The following WARS1 variants were observed in gnomAD, a reference collection of about 807,000 sequenced individuals.
WARS1 encodes the protein tryptophanyl-tRNA synthetase 1, also known as tryptophan--tRNA ligase, cytoplasmic.
A neutral mutation model predicts 47.8 loss-of-function variants in WARS1; 17 were observed. The ratio of observed to expected loss-of-function variants is 0.36; its 90% CI spans 0.24 to 0.53. The LOEUF is 0.53. WARS1 is among the 20% of genes least tolerant of loss of function. WARS1 has a pLI of 0.91. For missense variants in WARS1, 434 were observed against 608.0 expected, an observed-to-expected ratio of 0.71 and a Z score of 3.01; for synonymous variants, 208 against 228.1, an observed-to-expected ratio of 0.91 and a Z score of 0.79.
chr14:100,339,539 C>T (rs1460363368), intron 9 of WARS1, among the ~76,000 whole-genome samples: 13 of 124,858 alleles, frequency 1.0e-4, no homozygotes, highest in Non-Finnish European at 1.6e-4. Flanking sequence ...TGCAGTGAGC[C>T]GAGATTGTGC....
chr14:100,362,008 A>G lies in WARS1; in HGVS notation c.100-87T>C. 4 of 1,393,540 alleles carry G rather than the reference A, an allele frequency of 2.9e-6. No homozygotes were observed. In the South Asian group the frequency reaches 5.0e-5, roughly 17 times the overall value. The allele number at this position is 1,393,540 out of a possible 1,614,324, so 86.3% of individuals were successfully genotyped here. On this transcript the variant is annotated intron_variant, in intron 2 of 10. Coordinates refer to ENST00000392882, the MANE Select transcript of WARS1 (RefSeq NM_004184.4). ...CCTATTCTGTGGCAGGCACTGTGTT[A>G]AATGCTTTTACACGTGTTACCTTAG... is the stretch of plus-strand genomic sequence containing the variant.
At chr14:100,340,756 G>A (rs552164227) in intron 9 of WARS1, among the ~76,000 whole-genome samples, 80 of 152,218 alleles carry the variant, frequency 5.3e-4, no homozygotes, top group Non-Finnish European at 8.4e-4. Context: ...GGGCCTGGGC[G>A]GGCCCTGTTC....
Position 100,363,551 on chromosome 14 carries a change from G to T in WARS1, c.100-1630C>A, listed in dbSNP as rs373809245. 3.7e-4 allele frequency among the ~76,000 whole-genome samples: 57 copies of T among 152,178 alleles called. No homozygotes were observed. The South Asian group carries it at 0.01, about 28-fold the overall frequency. On this transcript the variant is annotated intron_variant, in intron 2 of 10. Transcript: ENST00000392882. Reference sequence around the variant, plus strand: ...TCTCTACCAAAAATAGAAAAAATTAGCCAGGTGTGGTGGCACACACCTGTG... The same window carrying T: ...TCTCTACCAAAAATAGAAAAAATTATCCAGGTGTGGTGGCACACACCTGTG...
intron 4 of WARS1, among the ~76,000 whole-genome samples, chr14:100,359,243 A>C (rs1895513187): frequency 6.6e-6 from 1 of 152,234 alleles, no homozygotes; most frequent in South Asian, 2.1e-4. Context: ...ATTGTTGATA[A>C]CCAAAAAGTG....
At chr14:100,338,182 C>G (rs1263261290) in intron 9 of WARS1, among the ~76,000 whole-genome samples, 1 of 152,106 alleles carries the variant, frequency 6.6e-6, no homozygotes, top group East Asian at 1.9e-4. Flanking sequence ...AAGATAATCA[C>G]GGGGTAATTA....
rs575498591 is a variant in WARS1 at position 100,367,570 on chromosome 14, A to C, written c.99+1517T>G. Among the ~76,000 whole-genome samples the C allele has an allele frequency of 6.8e-5, 9 of 132,142 alleles. No homozygotes were observed. The East Asian group carries it at 2.5e-3, about 36-fold the overall frequency. The allele number at this position is 132,142 out of a possible 152,430, so 86.7% of individuals were successfully genotyped here. A position where few individuals can be genotyped will look rare whatever the true frequency, so the allele number is the denominator to read the frequency against. ...GCCACCACACTCCAGCCTGGGTGAAAGAGTGAGATTCCATCTCGGGGGGCG... is the reference window on the plus strand; with the variant it reads ...GCCACCACACTCCAGCCTGGGTGAACGAGTGAGATTCCATCTCGGGGGGCG... On this transcript the variant is annotated intron_variant, in intron 2 of 10. Coordinates refer to ENST00000392882, the MANE Select transcript of WARS1 (RefSeq NM_004184.4).
chr14:100,362,645 C>T, intron 2 of WARS1, among the ~76,000 whole-genome samples: 1 of 152,124 alleles, frequency 6.6e-6, no homozygotes. Context: ...TTTAGAAAAG[C>T]AGGCCTAATT....
rs778852654 is a variant in WARS1 at position 100,334,971 on chromosome 14, G to A, written c.1320C>T (p.Pro440=). ...LKKALIEVLQ[P]LIAEHQARRK... is the part of the protein sequence containing the mutation. ...GCCGGGCCTGGTGCTCTGCGATCAA[G>A]GGCTGCAGAACCTCTATGAGTGCCT... The change falls in exon 11 of 11, where the codon CCC becomes CCT. Residue 440 remains proline (P), a synonymous_variant. Coordinates refer to ENST00000392882, the MANE Select transcript of WARS1 (RefSeq NM_004184.4). 1 of 1,614,180 alleles carries A rather than the reference G, an allele frequency of 6.2e-7. No homozygotes were observed. The highest frequency in any genetic ancestry group is 1.1e-5 in the South Asian group (1 of 91,088).
intron 8 of WARS1, 79 bp from the exon 9 acceptor site, chr14:100,342,650 T>A: frequency 7.2e-7 from 1 of 1,381,786 alleles, no homozygotes; most frequent in Non-Finnish European, 9.8e-7. Context: ...CCTGTGAGCA[T>A]CTTCCCAGAA....
intron 6 of WARS1, among the ~76,000 whole-genome samples, chr14:100,347,366 C>T (rs998295170): frequency 3.9e-5 from 6 of 152,068 alleles, no homozygotes; most frequent in African/African-American, 1.4e-4. Context: ...GGCCACTGCT[C>T]CCCCCTGCTG....
intron 10 of WARS1, chr14:100,336,788 C>T (rs1469806578): frequency 1.1e-5 from 4 of 364,248 alleles, no homozygotes; most frequent in South Asian, 5.7e-5. Context: ...GCTTTGATCA[C>T]GTTAACTTAC....
At chr14:100,351,551 G>GT (rs149139265) in intron 6 of WARS1, among the ~76,000 whole-genome samples, 41 of 150,450 alleles carry the variant, frequency 2.7e-4, no homozygotes, top group Non-Finnish European at 5.2e-4. Flanking sequence ...CTATGTTCTT[G>GT]TTTGATCCCA....
At position 100,353,775 on chromosome 14, in the gene WARS1, T is replaced by C. The variant is rs1895143703; in HGVS notation, c.637A>G (p.Ser213Gly). The C allele has an allele frequency of 5.0e-6, 8 of 1,614,058 alleles. No individual in the cohort carries two copies. Among genetic ancestry groups the C allele is most frequent in the East Asian group, 2.2e-5 (1 of 44,892 alleles). The change falls in exon 6 of 11, where the codon AGC becomes GGC. Residue 213 changes from serine (S) to glycine (G), a missense_variant. By Grantham distance (56) the Ser-to-Gly change is moderately conservative (BLOSUM62 0). Around this residue, in one of 2 missense-constraint regions of WARS1, gnomAD observed 347 missense variants for 523.8 expected, o/e 0.66. Coordinates refer to ENST00000392882, the MANE Select transcript of WARS1 (RefSeq NM_004184.4). ...WKDLTLDQAY[S>G]YAVENAKDII... ...TCCTTGGCATTCTCCACAGCATAGC[T>C]ATAGGCCTGGTCCAGGGTCAGGTCC...
chr14:100,352,346 CTGACCTTG>C (rs1320354281), intron 6 of WARS1, among the ~76,000 whole-genome samples: 1 of 151,970 alleles, frequency 6.6e-6, no homozygotes, highest in African/African-American at 2.4e-5. Flanking sequence ...TCCTGACCTC[CTGACCTTG>C]TGATCCACCC....
At chr14:100,361,048 C>A (rs774561787) in intron 3 of WARS1, among the ~76,000 whole-genome samples, 19 of 152,038 alleles carry the variant, frequency 1.2e-4, no homozygotes, top group Non-Finnish European at 2.4e-4. Flanking sequence ...TCATTGACAA[C>A]CATGATTTCT....
chr14:100,344,205 G>A (rs1894372440), intron 7 of WARS1, among the ~76,000 whole-genome samples: 1 of 152,098 alleles, frequency 6.6e-6, no homozygotes, highest in African/African-American at 2.4e-5. Context: ...GCCTCAGCCT[G>A]CCGAGTGCCT....
At chr14:100,347,277 C>T (rs979523967) in intron 6 of WARS1, among the ~76,000 whole-genome samples, 7 of 152,172 alleles carry the variant, frequency 4.6e-5, no homozygotes, top group East Asian at 1.9e-4. Flanking sequence ...TGCTTGTTGT[C>T]GGATGAGCGT....
chr14:100,365,062 A>C (rs1245636245), intron 2 of WARS1, among the ~76,000 whole-genome samples: 1 of 150,470 alleles, frequency 6.6e-6, no homozygotes, highest in Non-Finnish European at 1.5e-5. Context: ...TTGAGGGTGC[A>C]CTGAGCTAGG....
chr14:100,352,129 T>TG (rs1376217585), intron 6 of WARS1, among the ~76,000 whole-genome samples: 1 of 139,966 alleles, frequency 7.1e-6, no homozygotes, highest in South Asian at 2.3e-4. Flanking sequence ...TTTTTTTTTT[T>TG]GAGACAGAGT....
Sources: allele counts gnomAD v4.1 joint callset (sites outside exome capture counted in the v4.1 genomes callset), GRCh38; gene constraint gnomAD v4.1.1; regional missense constraint gnomAD v4.1.1; transcripts MANE v1.5; gene names NCBI Gene and HGNC (gene_info 2026-07-23, HGNC 2026-07-21).